AGBL1: variants seen among roughly 807,000 people sequenced by gnomAD.
AGBL1 encodes the protein AGBL carboxypeptidase 1.
AGBL1 carries 130 observed loss-of-function variants against 118.9 expected under a neutral mutation model. That is an observed-to-expected ratio of 1.09 (90% confidence interval 0.95 to 1.26). The LOEUF (loss-of-function observed/expected upper bound fraction) is 1.26. Ranked by LOEUF, AGBL1 falls within the 50% of genes most tolerant of loss-of-function variation. AGBL1 has a pLI of 0.00. For synonymous variants in AGBL1, 555 were observed against 478.9 expected, an observed-to-expected ratio of 1.16 and a Z score of -2.08; for missense variants, 1,584 against 1,298.1, an observed-to-expected ratio of 1.22 and a Z score of -3.38.
chr15:86,410,807 G>GATAT (rs36127489), intron 18 of AGBL1, among the ~76,000 whole-genome samples: 1,344 of 40,286 alleles, frequency 0.033, 47 homozygotes, highest in Admixed American at 0.083. Flanking sequence ...GTCAAATGTA[G>GATAT]ATATATATAT....
chr15:86,397,557 C>A lies in AGBL1; in HGVS notation c.2555+11C>A. On this transcript the variant is annotated intron_variant, in intron 18 of 22. Coordinates refer to ENST00000614907, the MANE Select transcript of AGBL1 (RefSeq NM_001386094.1). ...TGTCATCAACGGCAAGTATGTCAGG[C>A]ACCTGGCTCAGCCAAACCCACAATT... 6.3e-7 allele frequency: 1 copy of A among 1,594,260 alleles called. No individual in the cohort carries two copies. The highest frequency in any genetic ancestry group is 8.6e-7 in the Non-Finnish European group (1 of 1,168,900).
At chr15:86,796,504 C>T (rs2078573958) in intron 22 of AGBL1, among the ~76,000 whole-genome samples, 1 of 152,188 alleles carries the variant, frequency 6.6e-6, no homozygotes, top group African/African-American at 2.4e-5. Context: ...ATGTAAGTCA[C>T]ACCCAGGACA....
At chr15:86,880,965 C>T (rs1485420099) in intron 22 of AGBL1, among the ~76,000 whole-genome samples, 2 of 152,060 alleles carry the variant, frequency 1.3e-5, no homozygotes, top group Admixed American at 6.5e-5. Context: ...TCTGTGTGTT[C>T]TTCAGGTGCA....
chr15:86,708,679 G>C (rs1360030439), intron 22 of AGBL1, among the ~76,000 whole-genome samples: 1 of 152,058 alleles, frequency 6.6e-6, no homozygotes, highest in African/African-American at 2.4e-5. Flanking sequence ...TGTTCTAAGA[G>C]GTTAATTCAC....
intron 19 of AGBL1, among the ~76,000 whole-genome samples, chr15:86,538,268 G>T (rs1037620548): frequency 6.6e-6 from 1 of 152,160 alleles, no homozygotes; most frequent in Non-Finnish European, 1.5e-5. Context: ...TGAGTCTCTC[G>T]CTTTGGGAAA....
intron 21 of AGBL1, among the ~76,000 whole-genome samples, chr15:86,606,126 C>CAAAAAAAAA (rs10675845): frequency 1.4e-4 from 14 of 96,888 alleles, no homozygotes; most frequent in South Asian, 4.6e-4. Flanking sequence ...GACTCCATCT[C>CAAAAAAAAA]AAAAAAAAAA....
At chr15:86,990,557 A>C (rs2081328452) in intron 24 of AGBL1, among the ~76,000 whole-genome samples, 1 of 152,216 alleles carries the variant, frequency 6.6e-6, no homozygotes, top group Admixed American at 6.5e-5. Flanking sequence ...CACATGGGGA[A>C]TATCCATACT....
intron 21 of AGBL1, among the ~76,000 whole-genome samples, chr15:86,565,083 C>T (rs755577835): frequency 3.9e-5 from 6 of 152,210 alleles, no homozygotes; most frequent in African/African-American, 1.4e-4. Flanking sequence ...TGAATTTCCT[C>T]CTTTAGCTCG....
chr15:87,014,016 A>T (rs974641390), intron 24 of AGBL1, among the ~76,000 whole-genome samples: 4 of 152,194 alleles, frequency 2.6e-5, no homozygotes, highest in Admixed American at 2.6e-4. Context: ...AATATGAATT[A>T]TCAAAAAATA....
At position 86,991,359 on chromosome 15, in the gene AGBL1, T is replaced by TTC. The variant is rs199730563; in HGVS notation, c.3323+3271_3323+3272insTC. Among the ~76,000 whole-genome samples the TTC allele has an allele frequency of 2.3e-4, 9 of 39,302 alleles. No homozygotes were observed. The South Asian group carries it at 0.032, about 141-fold the overall frequency. 25.8% of individuals were successfully genotyped at this position (39,302 alleles called of 152,430 possible). ...AAATTCCCTCAGCATCTGAACTGCT[T>TTC]ACACGTTTGCCCATTTCCATCGTTT... On this transcript the variant is annotated intron_variant, in intron 24 of 24. Coordinates refer to the AGBL1 transcript ENST00000441037.
intron 21 of AGBL1, among the ~76,000 whole-genome samples, chr15:86,652,490 A>G (rs1373556132): frequency 1.3e-5 from 2 of 152,074 alleles, no homozygotes; most frequent in Non-Finnish European, 2.9e-5. Context: ...CAAAGGATCA[A>G]TATTAACACA....
At chr15:86,639,233 T>C (rs1040407363) in intron 21 of AGBL1, among the ~76,000 whole-genome samples, 5 of 152,176 alleles carry the variant, frequency 3.3e-5, no homozygotes, top group African/African-American at 9.6e-5. Context: ...ATACAGGAGA[T>C]AGAGATCACT....
intron 23 of AGBL1, among the ~76,000 whole-genome samples, chr15:86,985,984 C>T (rs370733235): frequency 1.3e-4 from 19 of 150,892 alleles, no homozygotes; most frequent in African/African-American, 3.4e-4. Context: ...AGTGAAGTGG[C>T]AGGATCCTGG....
intron 15 of AGBL1, among the ~76,000 whole-genome samples, chr15:86,278,840 A>T (rs1390858): frequency 0.74 from 112,190 of 152,128 alleles, 42,411 homozygotes; most frequent in African/African-American, 0.9. Flanking sequence ...GACTTCTGGG[A>T]GCAATTTTCT....
chr15:86,680,805 G>A (rs778572539), intron 22 of AGBL1, among the ~76,000 whole-genome samples: 6 of 151,724 alleles, frequency 4.0e-5, no homozygotes, highest in Non-Finnish European at 8.8e-5. Flanking sequence ...GACCTCAAGT[G>A]ATCCACCCAC....
At chr15:86,275,594 C>T (rs140137022) in intron 15 of AGBL1, among the ~76,000 whole-genome samples, 130 of 152,322 alleles carry the variant, frequency 8.5e-4, no homozygotes, top group African/African-American at 3.0e-3. Flanking sequence ...GAGTTCGTAA[C>T]TATGCCTTTG....
At chr15:86,290,290 TTC>T (rs2079522897) in intron 16 of AGBL1, among the ~76,000 whole-genome samples, 1 of 151,884 alleles carries the variant, frequency 6.6e-6, no homozygotes, top group Non-Finnish European at 1.5e-5. Flanking sequence ...TATATTGCTT[TTC>T]TGTTTGATTT....
At chr15:86,693,148 T>C (rs1417662568) in intron 22 of AGBL1, among the ~76,000 whole-genome samples, 1 of 152,164 alleles carries the variant, frequency 6.6e-6, no homozygotes, top group Non-Finnish European at 1.5e-5. Context: ...CTGGATCAAA[T>C]GGAAGTTCCA....
chr15:86,158,167 G>A (rs186565556), intron 4 of AGBL1, among the ~76,000 whole-genome samples: 4 of 152,246 alleles, frequency 2.6e-5, no homozygotes, highest in Admixed American at 2.0e-4. Flanking sequence ...ATGCATGGAC[G>A]ATGTTCCAGG....
Sources: gnomAD v4.1 joint callset for allele counts (sites outside exome capture counted in the v4.1 genomes callset) on GRCh38, gnomAD v4.1.1 for gene constraint, MANE v1.5 for transcripts, NCBI Gene and HGNC (gene_info 2026-07-23, HGNC 2026-07-21) for gene names.